CDC42BPA: variants seen among roughly 807,000 people sequenced by gnomAD.
The protein encoded by CDC42BPA is CDC42 binding protein kinase alpha, also known as serine/threonine-protein kinase MRCK alpha.
In CDC42BPA, 80 loss-of-function variants were observed where a neutral mutation model predicts 223.5. That is an observed-to-expected ratio of 0.36 (90% confidence interval 0.30 to 0.43). The LOEUF (loss-of-function observed/expected upper bound fraction) is 0.43, where lower values mean the gene tolerates loss of function less well. Ranked by LOEUF, CDC42BPA falls within the 20% of genes least tolerant of loss-of-function variation. CDC42BPA has a pLI of 1.00. For synonymous variants in CDC42BPA, 694 were observed against 718.6 expected (o/e 0.97, Z 0.55); for missense variants, 1,743 against 2,099.9 (o/e 0.83, Z 3.32).
chr1:227,166,103 T>C (rs1413971479), intron 5 of CDC42BPA, among the ~76,000 whole-genome samples: 2 of 152,232 alleles, frequency 1.3e-5, no homozygotes, highest in Non-Finnish European at 2.9e-5. Flanking sequence ...ACAATATTAA[T>C]TGGTCTCTGT....
intron 2 of CDC42BPA, among the ~76,000 whole-genome samples, chr1:227,228,919 G>A (rs1677328524): frequency 6.6e-6 from 1 of 152,040 alleles, no homozygotes; most frequent in African/African-American, 2.4e-5. Context: ...CACAGACACT[G>A]GGCCCTCATC....
At chr1:227,304,359 T>C (rs1370565133) in intron 1 of CDC42BPA, among the ~76,000 whole-genome samples, 2 of 150,418 alleles carry the variant, frequency 1.3e-5, no homozygotes, top group African/African-American at 4.9e-5. Context: ...TGAGCCCAGA[T>C]CACACCACTG....
chr1:227,217,088 G>A (rs542674680), intron 2 of CDC42BPA, among the ~76,000 whole-genome samples: 1 of 152,046 alleles, frequency 6.6e-6, no homozygotes, highest in Non-Finnish European at 1.5e-5. Flanking sequence ...CAGTTGCCAC[G>A]GAGTTCTATA....
intron 30 of CDC42BPA, among the ~76,000 whole-genome samples, 190 bp from the exon 31 acceptor site, chr1:227,026,342 A>T (rs1668245622): frequency 6.6e-6 from 1 of 152,206 alleles, no homozygotes; most frequent in African/African-American, 2.4e-5. Context: ...GAACTGGTAT[A>T]CCATGATTCA....
chr1:227,031,538 ATGAT>A, intron 27 of CDC42BPA, 24 bp from the exon 28 acceptor site: 1 of 1,582,418 alleles, frequency 6.3e-7, no homozygotes, highest in Non-Finnish European at 8.7e-7. Context: ...ATCAATATTC[ATGAT>A]ATTAGAAAAC....
At chr1:227,137,172 T>A (rs190695986) in intron 10 of CDC42BPA, among the ~76,000 whole-genome samples, 18 of 152,034 alleles carry the variant, frequency 1.2e-4, no homozygotes, top group Non-Finnish European at 1.5e-5. Context: ...AAGAAAAAGA[T>A]ATATAAAGAC....
chr1:227,148,511 C>T (rs1019604881), intron 6 of CDC42BPA, among the ~76,000 whole-genome samples: 2 of 152,058 alleles, frequency 1.3e-5, no homozygotes, highest in African/African-American at 4.8e-5. Context: ...TTTAGCAATA[C>T]TGAGATTAAA....
At chr1:227,022,433 CAAAA>C (rs561270900) in intron 32 of CDC42BPA, among the ~76,000 whole-genome samples, 1 of 141,986 alleles carries the variant, frequency 7.0e-6, no homozygotes, top group Non-Finnish European at 1.5e-5. Flanking sequence ...ACTCCCGTCT[CAAAA>C]AAAAAAAATT....
chr1:227,171,408 TC>T (rs1666071565), intron 5 of CDC42BPA, among the ~76,000 whole-genome samples: 1 of 152,080 alleles, frequency 6.6e-6, no homozygotes, highest in Non-Finnish European at 1.5e-5. Context: ...AACACTTGAG[TC>T]CAGGAGTTTA....
chr1:227,117,515 T>A (rs1159330252), intron 12 of CDC42BPA, among the ~76,000 whole-genome samples: 1 of 151,964 alleles, frequency 6.6e-6, no homozygotes, highest in African/African-American at 2.4e-5. Flanking sequence ...TCTCATTCTG[T>A]TGTTGCCTAG....
chr1:227,191,146 C>T (rs1303290769), intron 5 of CDC42BPA, among the ~76,000 whole-genome samples: 1 of 151,872 alleles, frequency 6.6e-6, no homozygotes, highest in Non-Finnish European at 1.5e-5. Flanking sequence ...GAGTTCGAGA[C>T]CAACCCGACC....
chr1:227,017,457 C>T (rs1182581485), intron 32 of CDC42BPA, among the ~76,000 whole-genome samples: 2 of 151,962 alleles, frequency 1.3e-5, no homozygotes, highest in African/African-American at 2.4e-5. Flanking sequence ...GAACAGTAAT[C>T]AGGCATAAAT....
intron 2 of CDC42BPA, among the ~76,000 whole-genome samples, chr1:227,220,570 A>T (rs1675721476): frequency 1.3e-5 from 2 of 151,868 alleles, no homozygotes; most frequent in South Asian, 4.2e-4. Flanking sequence ...AAACTATCCC[A>T]TTCCTGTCCT....
chr1:227,173,354 T>C (rs2149954224), intron 5 of CDC42BPA, among the ~76,000 whole-genome samples: 2 of 152,334 alleles, frequency 1.3e-5, no homozygotes, highest in South Asian at 4.1e-4. Context: ...GCTTTTATCC[T>C]CAGCTACTGG....
At chr1:227,301,462 C>G (rs568275045) in intron 1 of CDC42BPA, among the ~76,000 whole-genome samples, 8 of 151,776 alleles carry the variant, frequency 5.3e-5, no homozygotes, top group Admixed American at 5.3e-4. Flanking sequence ...TGGGTTCAAG[C>G]GATTCTCCTG....
At chr1:227,251,852 C>T (rs1174741519) in intron 2 of CDC42BPA, among the ~76,000 whole-genome samples, 3 of 151,952 alleles carry the variant, frequency 2.0e-5, no homozygotes, top group African/African-American at 7.2e-5. Context: ...ATAGAGTATG[C>T]GTTCTAACCA....
At chr1:227,083,628 C>A (rs541048414) in intron 16 of CDC42BPA, among the ~76,000 whole-genome samples, 103 of 152,286 alleles carry the variant, frequency 6.8e-4, no homozygotes, top group Non-Finnish European at 1.0e-3. Context: ...TAATTTTTTA[C>A]TGCATGCCAC....
chr1:227,060,215 TAG>T, intron 21 of CDC42BPA, among the ~76,000 whole-genome samples: 1 of 152,060 alleles, frequency 6.6e-6, no homozygotes, highest in Admixed American at 6.5e-5. Context: ...GTATTTTTAA[TAG>T]AGACGGGGTT....
intron 5 of CDC42BPA, among the ~76,000 whole-genome samples, chr1:227,185,238 G>GA (rs1558702268): frequency 6.6e-6 from 1 of 151,604 alleles, no homozygotes; most frequent in Non-Finnish European, 1.5e-5. Flanking sequence ...AGGCACATAG[G>GA]AAAAAAAGGG....
Sources: gnomAD v4.1 joint callset for allele counts (sites outside exome capture counted in the v4.1 genomes callset) on GRCh38, gnomAD v4.1.1 for gene constraint, MANE v1.5 for transcripts, NCBI Gene and HGNC (gene_info 2026-07-23, HGNC 2026-07-21) for gene names.